Variants in CORIN observed in about 807,000 individuals in gnomAD.
CORIN encodes the protein atrial natriuretic peptide-converting enzyme.
CORIN carries 117 observed loss-of-function variants against 125.3 expected under a neutral mutation model. That is an observed-to-expected ratio of 0.93 (90% CI 0.80 to 1.09). The LOEUF is 1.09. Among genes scored for constraint, CORIN ranks in the 50% least tolerant of loss-of-function variants. CORIN has a pLI of 0.00. For missense variants in CORIN, 1,253 were observed against 1,306.7 expected (o/e 0.96, Z 0.63); for synonymous variants, 450 against 466.4 (o/e 0.96, Z 0.45).
At chr4:47,723,672 C>G (rs1727453418) in intron 5 of CORIN, among the ~76,000 whole-genome samples, 1 of 152,010 alleles carries the variant, frequency 6.6e-6, no homozygotes, top group Non-Finnish European at 1.5e-5. Flanking sequence ...TCAAAATGCC[C>G]AGGATATAAG....
chr4:47,610,468 T>A (rs1004985313), intron 19 of CORIN, among the ~76,000 whole-genome samples: 46 of 152,240 alleles, frequency 3.0e-4, no homozygotes, highest in African/African-American at 1.1e-3. Flanking sequence ...TTCTTGTAAA[T>A]TTAAGTTCCT....
intron 19 of CORIN, among the ~76,000 whole-genome samples, chr4:47,618,808 ACT>A (rs1722185982): frequency 6.8e-6 from 1 of 146,228 alleles, no homozygotes; most frequent in African/African-American, 2.5e-5. Flanking sequence ...ACAGAGCGAG[ACT>A]CTGTCTCACA....
At chr4:47,687,768 T>C (rs1384771266) in intron 6 of CORIN, among the ~76,000 whole-genome samples, 1 of 152,208 alleles carries the variant, frequency 6.6e-6, no homozygotes. Flanking sequence ...TCCAATCCTC[T>C]GATTCTGAAA....
intron 5 of CORIN, among the ~76,000 whole-genome samples, chr4:47,700,507 C>A (rs1462076218): frequency 6.6e-6 from 1 of 152,196 alleles, no homozygotes; most frequent in Non-Finnish European, 1.5e-5. Context: ...GGATCTCTCC[C>A]TCCTTAGGAT....
Position 47,653,570 on chromosome 4 carries a change from C to T in CORIN, c.1826G>A (p.Ser609Asn), listed in dbSNP as rs779870981. The change falls in exon 13 of 22, where the codon AGT becomes AAT. Residue 609 changes from serine (S) to asparagine (N), a missense_variant. Ser to Asn is a conservative substitution (Grantham distance 46). Coordinates refer to ENST00000273857, the MANE Select transcript of CORIN (RefSeq NM_006587.4). ...ATACATACCACAGTTTTCCTCATCA[C>T]TGTCATCGTCACAGTCGGCCTGGCC... ...CDGQADCDDD[S>N]DEENCGCKER... 21 of 1,614,046 alleles carry T rather than the reference C, an allele frequency of 1.3e-5. No individual in the cohort carries two copies. In the Admixed American group the frequency reaches 3.0e-4, roughly 23 times the overall value.
At chr4:47,829,904 T>A in intron 1 of CORIN, among the ~76,000 whole-genome samples, 1 of 152,214 alleles carries the variant, frequency 6.6e-6, no homozygotes, top group East Asian at 1.9e-4. Flanking sequence ...TTTACACAAG[T>A]AAACCAGGAT....
At chr4:47,752,580 C>T (rs10008612) in intron 4 of CORIN, among the ~76,000 whole-genome samples, 8,536 of 152,188 alleles carry the variant, frequency 0.056, 769 homozygotes, top group African/African-American at 0.19. Flanking sequence ...GTAATGCCCA[C>T]GTAAGAGTTA....
At chr4:47,636,534 C>T (rs1157171430) in intron 16 of CORIN, among the ~76,000 whole-genome samples, 1 of 152,170 alleles carries the variant, frequency 6.6e-6, no homozygotes, top group Non-Finnish European at 1.5e-5. Flanking sequence ...TCCCACATGT[C>T]ATGGGAGGAA....
chr4:47,707,939 T>C (rs1380206741), intron 5 of CORIN, among the ~76,000 whole-genome samples: 1 of 152,220 alleles, frequency 6.6e-6, no homozygotes, highest in Non-Finnish European at 1.5e-5. Context: ...TCACAGTATA[T>C]GTCTTAAAGA....
chr4:47,691,503 T>G (rs1376711684), intron 6 of CORIN, among the ~76,000 whole-genome samples: 2 of 152,192 alleles, frequency 1.3e-5, no homozygotes, highest in Non-Finnish European at 2.9e-5. Context: ...GAACGTTTCC[T>G]GAAATATGCG....
At chr4:47,769,148 T>C (rs922765887) in intron 3 of CORIN, among the ~76,000 whole-genome samples, 2 of 151,918 alleles carry the variant, frequency 1.3e-5, no homozygotes, top group South Asian at 2.1e-4. Context: ...AAAATCAACA[T>C]AAAAAATCAG....
chr4:47,618,673 G>A (rs931207243), intron 19 of CORIN, among the ~76,000 whole-genome samples: 5 of 151,890 alleles, frequency 3.3e-5, no homozygotes, highest in Non-Finnish European at 5.9e-5. Context: ...CAAAAAATTA[G>A]CCGGGCATGG....
intron 13 of CORIN, among the ~76,000 whole-genome samples, chr4:47,648,112 G>A (rs1283276671): frequency 6.6e-6 from 1 of 152,142 alleles, no homozygotes; most frequent in Non-Finnish European, 1.5e-5. Context: ...ATTTTAAGAA[G>A]AAACCACTTT....
intron 5 of CORIN, among the ~76,000 whole-genome samples, chr4:47,726,356 A>G (rs759566030): frequency 6.6e-6 from 1 of 152,130 alleles, no homozygotes; most frequent in South Asian, 2.1e-4. Context: ...CATACAATGG[A>G]ATACTAGTAA....
intron 1 of CORIN, among the ~76,000 whole-genome samples, chr4:47,820,674 CT>C (rs1401919462): frequency 6.6e-6 from 1 of 152,042 alleles, no homozygotes; most frequent in Non-Finnish European, 1.5e-5. Flanking sequence ...AAACTGCCCC[CT>C]GCCCGAAAAA....
chr4:47,742,097 A>C (rs1041481734), intron 5 of CORIN, among the ~76,000 whole-genome samples: 5 of 152,024 alleles, frequency 3.3e-5, no homozygotes, highest in Non-Finnish European at 1.5e-5. Flanking sequence ...CTAAAAGGTA[A>C]CTAGCATAAT....
At chr4:47,726,864 T>C (rs1245375782) in intron 5 of CORIN, among the ~76,000 whole-genome samples, 2 of 152,022 alleles carry the variant, frequency 1.3e-5, no homozygotes, top group Non-Finnish European at 2.9e-5. Flanking sequence ...ATTTAAAGCA[T>C]GTAATAATAT....
rs538483799 is a variant in CORIN, at chr4:47,786,654, T to C, written c.409+71A>G. ...GGCAAGTGATTGTGAACTAAAAGCA[T>C]TGGTTGCCAAACTTAAAAACCTACC... On this transcript the variant is annotated intron_variant, in intron 3 of 21. Transcript: ENST00000273857. The C allele has an allele frequency of 7.6e-6, 9 of 1,190,882 alleles. No homozygotes were observed. In the East Asian group the frequency reaches 1.6e-4, roughly 22 times the overall value. The allele number at this position is 1,190,882 out of a possible 1,614,324, so 73.8% of individuals were successfully genotyped here. A position where few individuals can be genotyped will look rare whatever the true frequency, so the allele number is the denominator to read the frequency against.
chr4:47,709,219 C>T (rs956407593), intron 5 of CORIN, among the ~76,000 whole-genome samples: 1 of 152,182 alleles, frequency 6.6e-6, no homozygotes, highest in African/African-American at 2.4e-5. Context: ...TTGCAGAAAG[C>T]TGAACAGATA....
Sources: allele counts gnomAD v4.1 joint callset (sites outside exome capture counted in the v4.1 genomes callset), GRCh38; gene constraint gnomAD v4.1.1; transcripts MANE v1.5; gene names NCBI Gene and HGNC (gene_info 2026-07-23, HGNC 2026-07-21).